The following ADA2 variants were observed in gnomAD, a reference collection of about 807,000 sequenced individuals.
ADA2 encodes adenosine deaminase 2.
In ADA2, 29 loss-of-function variants were observed where a neutral mutation model predicts 44.2. The ratio of observed to expected loss-of-function variants is 0.66; its 90% CI spans 0.49 to 0.89. The LOEUF (loss-of-function observed/expected upper bound fraction) is 0.89. Among genes scored for constraint, ADA2 ranks in the 40% least tolerant of loss-of-function variants. The pLI is 0.00. For missense variants in ADA2, 637 were observed against 644.8 expected (o/e 0.99, Z 0.13); for synonymous variants, 215 against 234.9 (o/e 0.92, Z 0.77).
intron 7 of ADA2, among the ~76,000 whole-genome samples, chr22:17,185,546 G>T (rs1267524245): frequency 6.6e-6 from 1 of 152,174 alleles, no homozygotes; most frequent in Non-Finnish European, 1.5e-5. Context: ...GTTAGGTCCT[G>T]AGCTGCAATG....
chr22:17,209,815 G>C, intron 1 of ADA2, 92 bp from the exon 2 acceptor site: 1 of 674,596 alleles, frequency 1.5e-6, no homozygotes, highest in Non-Finnish European at 2.5e-6. Flanking sequence ...TTACCAGAAG[G>C]CAAGATATTG....
At chr22:17,218,259 C>T (rs556473189) in intron 1 of ADA2, among the ~76,000 whole-genome samples, 22 of 152,088 alleles carry the variant, frequency 1.4e-4, no homozygotes, top group Admixed American at 8.5e-4. Context: ...GGAAAGTTTG[C>T]TACTCATTAA....
Position 17,207,161 on chromosome 22 carries a change from G to A in ADA2, c.452C>T (p.Pro151Leu). ...RGIMQFRFAHPTPRPSEKCSK... is the reference protein window; with the variant it reads ...RGIMQFRFAHLTPRPSEKCSK... The stretch of plus-strand genomic sequence containing the variant: ...ACATTTTTCTGATGGACGGGGAGTT[G>A]GGTGAGCAAATCTGAACTGCATGAT... Residue 151 changes from proline (P) to leucine (L), a missense_variant, in exon 3 of 10, where the codon CCA (proline) becomes CTA (leucine). Pro to Leu is a moderately conservative substitution (Grantham distance 98, BLOSUM62 -3). Transcript: ENST00000399837. 3 of 1,614,238 alleles carry A rather than the reference G, an allele frequency of 1.9e-6. No homozygotes were observed. The South Asian group carries it at 3.3e-5, about 18-fold the overall frequency.
chr22:17,205,245 C>T lies in ADA2; in HGVS notation c.543-1472G>A, dbSNP rs1052101633. Among the ~76,000 whole-genome samples, 8 of 152,016 alleles carry T rather than the reference C, an allele frequency of 5.3e-5. No homozygotes were observed. In the East Asian group the frequency reaches 1.2e-3, roughly 22 times the overall value. On this transcript the variant is annotated intron_variant, in intron 3 of 9. Coordinates refer to ENST00000399837, the MANE Select transcript of ADA2 (RefSeq NM_001282225.2). ...ATGTTGGCCTGGCTGGTTTTGAACT[C>T]CTGACCTCAAGTGATCCGCCCACCT...
chr22:17,213,491 C>T (rs897989790), intron 1 of ADA2: 26 of 230,608 alleles, frequency 1.1e-4, no homozygotes, highest in Non-Finnish European at 1.6e-4. Flanking sequence ...GTCCATCTAC[C>T]GAAGCACCGG....
intron 1 of ADA2, among the ~76,000 whole-genome samples, chr22:17,211,078 A>G (rs1311622735): frequency 6.6e-6 from 1 of 151,996 alleles, no homozygotes; most frequent in African/African-American, 2.4e-5. Context: ...AAATAAAAAT[A>G]CGGCTGGGCG....
Position 17,209,795 on chromosome 22 carries a change from T to C in ADA2, c.-46-72A>G, listed in dbSNP as rs888389326. The C allele has an allele frequency of 2.5e-5, 19 of 766,816 alleles. No individual in the cohort carries two copies. The African/African-American group carries it at 2.8e-4, about 11-fold the overall frequency. 47.5% of individuals were successfully genotyped at this position (766,816 alleles called of 1,614,324 possible). A position where few individuals can be genotyped will look rare whatever the true frequency, so the allele number is the denominator to read the frequency against. The stretch of plus-strand genomic sequence containing the variant: ...AACTCTGATCTTCCTTTTCTCGCCC[T>C]GCTCTCAGATTACCAGAAGGCAAGA... On this transcript the variant is annotated intron_variant, in intron 1 of 9. Coordinates refer to ENST00000399837, the MANE Select transcript of ADA2 (RefSeq NM_001282225.2).
At chr22:17,190,678 C>A (rs2062104189) in intron 5 of ADA2, among the ~76,000 whole-genome samples, 1 of 152,228 alleles carries the variant, frequency 6.6e-6, no homozygotes, top group South Asian at 2.1e-4. Context: ...CCTTCCTGGC[C>A]TGCCCCACCC....
At position 17,213,735 on chromosome 22, in the gene ADA2, G is replaced by C. The variant is rs529162620; in HGVS notation, c.-46-4012C>G. The C allele has an allele frequency of 6.5e-5, 16 of 246,514 alleles. No homozygotes were observed. The East Asian group carries it at 2.1e-3, about 32-fold the overall frequency. 15.3% of individuals were successfully genotyped at this position (246,514 alleles called of 1,614,324 possible). ...AATGCAGGAGAAGCGGCAATGGAAA[G>C]GATCCTCAAGAAAGCATCCAGGCCA... is the stretch of plus-strand genomic sequence containing the variant. On this transcript the variant is annotated intron_variant, in intron 1 of 9. Transcript: ENST00000399837.
chr22:17,202,292 G>A (rs188390510), intron 4 of ADA2, among the ~76,000 whole-genome samples: 192 of 152,166 alleles, frequency 1.3e-3, no homozygotes, highest in Non-Finnish European at 2.4e-3. Context: ...ATCGCGCCCA[G>A]CTAATTTTTG....
intron 3 of ADA2, 56 bp downstream of exon 3, chr22:17,207,015 A>C (rs2062359669): frequency 3.0e-6 from 4 of 1,343,012 alleles, no homozygotes; most frequent in Middle Eastern, 1.8e-4. Context: ...GGAGACACCT[A>C]CCCACTGCCA....
In ADA2 at chr22:17,209,616, A is replaced by G. The variant is rs923228763; in HGVS notation, c.62T>C (p.Met21Thr). 6.2e-7 allele frequency: 1 copy of G among 1,614,132 alleles called. No individual in the cohort carries two copies. Residue 21 changes from methionine (M) to threonine (T), a missense_variant, in exon 2 of 10, where the codon ATG (methionine) becomes ACG (threonine). Physicochemically the swap from Met to Thr is moderately conservative, Grantham distance 81 (BLOSUM62 -1). Transcript: ENST00000399837. Reference sequence around the variant, plus strand: ...GGATAGAGCTGAGCCGAAGAAAGACATTGCCACAGCCAACAGCAAGAAGCA... The same window carrying G: ...GGATAGAGCTGAGCCGAAGAAAGACGTTGCCACAGCCAACAGCAAGAAGCA... Reference protein sequence around the residue: ...ALCFLLLAVAMSFFGSALSID... With the variant: ...ALCFLLLAVATSFFGSALSID...
intron 4 of ADA2, among the ~76,000 whole-genome samples, chr22:17,198,253 G>A (rs2062219172): frequency 6.6e-6 from 1 of 152,158 alleles, no homozygotes; most frequent in African/African-American, 2.4e-5. Context: ...AAATGCCTGT[G>A]TCCCACCCCA....
At chr22:17,191,905 C>T in intron 4 of ADA2, 95 bp from the exon 5 acceptor site, 1 of 1,315,350 alleles carries the variant, frequency 7.6e-7, no homozygotes, top group Admixed American at 2.3e-5. Context: ...TGGCCAGCCA[C>T]CCCTGCCCAA....
intron 7 of ADA2, among the ~76,000 whole-genome samples, chr22:17,186,602 C>T (rs1484646465): frequency 3.4e-5 from 5 of 148,646 alleles, no homozygotes; most frequent in Non-Finnish European, 7.4e-5. Flanking sequence ...TTTTCCGTGG[C>T]TCAAGCCTGT....
chr22:17,200,220 C>T (rs2062261348), intron 4 of ADA2, among the ~76,000 whole-genome samples: 3 of 150,560 alleles, frequency 2.0e-5, no homozygotes, highest in South Asian at 4.2e-4. Flanking sequence ...ACAAGAATCA[C>T]CTGCTCTGGG....
intron 4 of ADA2, among the ~76,000 whole-genome samples, chr22:17,201,967 CTTTTTTTTT>C (rs71200247): frequency 9.7e-6 from 1 of 103,120 alleles, no homozygotes; most frequent in Non-Finnish European, 1.9e-5. Context: ...TTTCTTTTTT[CTTTTTTTTT>C]TTTTTTTTTT....
chr22:17,189,169 A>T (rs917914773), intron 6 of ADA2, among the ~76,000 whole-genome samples: 1 of 151,686 alleles, frequency 6.6e-6, no homozygotes, highest in African/African-American at 2.4e-5. Flanking sequence ...GGTGCAGGCC[A>T]CCAAGGCTGG....
At chr22:17,187,186 T>G (rs982326568) in intron 7 of ADA2, among the ~76,000 whole-genome samples, 4 of 150,572 alleles carry the variant, frequency 2.7e-5, no homozygotes, top group African/African-American at 9.8e-5. Flanking sequence ...AAAAAAAAAT[T>G]TGTTTTCCTT....
Sources: gnomAD v4.1 joint callset for allele counts (sites outside exome capture counted in the v4.1 genomes callset) on GRCh38, gnomAD v4.1.1 for gene constraint, MANE v1.5 for transcripts, NCBI Gene and HGNC (gene_info 2026-07-23, HGNC 2026-07-21) for gene names.